Variants in SLC9B1 observed in about 807,000 individuals in gnomAD.
The protein encoded by SLC9B1 is solute carrier family 9 member B1.
A neutral mutation model predicts 51.7 loss-of-function variants in SLC9B1; 32 were observed. The ratio of observed to expected loss-of-function variants is 0.62; its 90% CI spans 0.47 to 0.83. The LOEUF is 0.83. Among genes scored for constraint, SLC9B1 ranks in the 40% least tolerant of loss-of-function variants. The probability of loss-of-function intolerance (pLI) is 0.00; values close to 1 mark genes in which losing one functional copy is unlikely to be tolerated. For synonymous variants in SLC9B1, 145 were observed against 212.7 expected (o/e 0.68, Z 2.77); for missense variants, 406 against 613.2 (o/e 0.66, Z 3.57).
chr4:102,974,550 A>G (rs893927254), intron 3 of SLC9B1, among the ~76,000 whole-genome samples: 2 of 152,196 alleles, frequency 1.3e-5, no homozygotes, highest in Non-Finnish European at 2.9e-5. Flanking sequence ...GTCTAAAAAC[A>G]TAAGTGAAAT....
intron 3 of SLC9B1, among the ~76,000 whole-genome samples, chr4:102,985,452 T>C (rs1191616249): frequency 6.6e-6 from 1 of 152,208 alleles, no homozygotes; most frequent in Non-Finnish European, 1.5e-5. Context: ...TGTTAGCATA[T>C]CAATTATACT....
chr4:102,889,348 T>C (rs1734111674), intron 11 of SLC9B1: 2 of 152,268 alleles, frequency 1.3e-5, no homozygotes, highest in South Asian at 4.1e-4. Flanking sequence ...CACCAGACTT[T>C]GGAAAAAATC....
intron 6 of SLC9B1, among the ~76,000 whole-genome samples, chr4:102,938,055 C>T (rs1046889721): frequency 6.6e-5 from 10 of 152,050 alleles, no homozygotes; most frequent in South Asian, 2.1e-4. Flanking sequence ...ACAGTATAAA[C>T]GCCCCACTTA....
chr4:102,885,439 TC>T, intron 11 of SLC9B1: 1 of 1,608,674 alleles, frequency 6.2e-7, no homozygotes, highest in Non-Finnish European at 8.5e-7. Flanking sequence ...CGGTAAGATG[TC>T]TGTTTACGTG....
intron 3 of SLC9B1, among the ~76,000 whole-genome samples, chr4:102,964,484 G>A (rs1328026662): frequency 6.6e-6 from 1 of 152,012 alleles, no homozygotes; most frequent in Non-Finnish European, 1.5e-5. Flanking sequence ...ACAAGACAAA[G>A]ACATTACAAG....
chr4:102,897,828 C>A, downstream of SLC9B1: 2 of 419,202 alleles, frequency 4.8e-6, no homozygotes, highest in South Asian at 3.8e-5. Context: ...GTTGCCGCTA[C>A]TGCTACTACA....
chr4:102,899,990 A>G (rs1197599985), downstream of SLC9B1, among the ~76,000 whole-genome samples: 2 of 152,202 alleles, frequency 1.3e-5, no homozygotes, highest in Non-Finnish European at 2.9e-5. Context: ...ATTCTGTAAA[A>G]GCCCTTAGTC....
At chr4:102,969,229 G>C (rs1340133489) in intron 3 of SLC9B1, among the ~76,000 whole-genome samples, 1 of 151,860 alleles carries the variant, frequency 6.6e-6, no homozygotes, top group East Asian at 1.9e-4. Flanking sequence ...CAGAGCTCCT[G>C]GTAGGGACTG....
chr4:102,996,333 T>C (rs1388015827), intron 1 of SLC9B1, among the ~76,000 whole-genome samples: 3 of 152,196 alleles, frequency 2.0e-5, no homozygotes, highest in Non-Finnish European at 4.4e-5. Flanking sequence ...TCTCCCACTC[T>C]GTGTCTTGCT....
chr4:102,926,745 A>C (rs971479415), intron 7 of SLC9B1, among the ~76,000 whole-genome samples: 35 of 152,194 alleles, frequency 2.3e-4, no homozygotes, highest in Non-Finnish European at 1.5e-5. Flanking sequence ...TGGAAAAAAA[A>C]CTGCTTTAAA....
chr4:102,895,243 A>G (rs1734479602), intron 11 of SLC9B1, among the ~76,000 whole-genome samples: 1 of 152,168 alleles, frequency 6.6e-6, no homozygotes, highest in Non-Finnish European at 1.5e-5. Flanking sequence ...GAAAATAAAC[A>G]ATTCAAAGAA....
At chr4:102,954,507 G>A (rs565791331) in intron 3 of SLC9B1, among the ~76,000 whole-genome samples, 16 of 149,692 alleles carry the variant, frequency 1.1e-4, no homozygotes, top group South Asian at 4.3e-4. Flanking sequence ...AATCATAATC[G>A]AATAAACAAT....
intron 7 of SLC9B1, among the ~76,000 whole-genome samples, chr4:102,912,738 C>T (rs963710977): frequency 4.6e-5 from 7 of 151,958 alleles, no homozygotes; most frequent in Admixed American, 6.6e-5. Flanking sequence ...AAAACTAGCC[C>T]GGTATGTGGT....
chr4:102,946,047 TAAAA>T (rs1560944324), intron 5 of SLC9B1, among the ~76,000 whole-genome samples: 1 of 152,038 alleles, frequency 6.6e-6, no homozygotes, highest in Non-Finnish European at 1.5e-5. Flanking sequence ...TTAATCTCCC[TAAAA>T]AAAGAAAAAG....
chr4:102,957,151 A>C (rs535636464), intron 3 of SLC9B1, among the ~76,000 whole-genome samples: 2 of 152,156 alleles, frequency 1.3e-5, no homozygotes, highest in East Asian at 1.9e-4. Flanking sequence ...AAAAGAACGA[A>C]GAATAATAAA....
chr4:102,897,483 G>A (rs1734595439), downstream of SLC9B1: 1 of 242,814 alleles, frequency 4.1e-6, no homozygotes, highest in African/African-American at 2.3e-5. Context: ...TCATTAACCA[G>A]TACAGTATGT....
intron 3 of SLC9B1, among the ~76,000 whole-genome samples, chr4:102,959,031 A>G (rs1737947814): frequency 6.6e-6 from 1 of 152,218 alleles, no homozygotes; most frequent in African/African-American, 2.4e-5. Flanking sequence ...CATGACACAT[A>G]GAAAACAAAT....
rs560545355 is a variant in SLC9B1 at position 102,943,002 on chromosome 4, CA to C, written c.653+2190del. Among the ~76,000 whole-genome samples, 622 of 151,986 alleles carry C rather than the reference CA, an allele frequency of 4.1e-3. 3 individuals are homozygous for C. The highest frequency in any genetic ancestry group is 4.5e-3 in the Non-Finnish European group (305 of 67,944). On this transcript the variant is annotated intron_variant, in intron 6 of 11. Transcript: ENST00000296422. ...GCAAGAAAAAACCAAATTATCCTATCAAAAAGTGTGCTAAGGACATGAATAG... is the reference window on the plus strand; with the variant it reads ...GCAAGAAAAAACCAAATTATCCTATCAAAAGTGTGCTAAGGACATGAATAG...
At chr4:102,909,898 C>T (rs1735255386) in intron 9 of SLC9B1, among the ~76,000 whole-genome samples, 2 of 151,846 alleles carry the variant, frequency 1.3e-5, no homozygotes, top group South Asian at 4.1e-4. Flanking sequence ...ATCTTGGCTC[C>T]TGGGTTCAAG....
Sources: allele counts gnomAD v4.1 joint callset (sites outside exome capture counted in the v4.1 genomes callset), GRCh38; gene constraint gnomAD v4.1.1; transcripts MANE v1.5; gene names NCBI Gene and HGNC (gene_info 2026-07-23, HGNC 2026-07-21).